Variants in SKAP1 observed in about 807,000 individuals in gnomAD.
SKAP1 encodes the protein src kinase associated phosphoprotein 1.
A neutral mutation model predicts 58.5 loss-of-function variants in SKAP1; 44 were observed. The ratio of observed to expected loss-of-function variants is 0.75; its 90% CI spans 0.59 to 0.97. SKAP1 has a LOEUF of 0.97. SKAP1 is among the 50% of genes least tolerant of loss of function. The pLI is 0.00. For missense variants in SKAP1, 390 were observed against 435.2 expected, an observed-to-expected ratio of 0.90 and a Z score of 0.92; for synonymous variants, 127 against 149.7, an observed-to-expected ratio of 0.85 and a Z score of 1.11.
chr17:48,396,278 G>T (rs577610060), intron 2 of SKAP1, among the ~76,000 whole-genome samples: 2 of 152,146 alleles, frequency 1.3e-5, no homozygotes, highest in African/African-American at 4.8e-5. Context: ...TTTCTATGAG[G>T]TAAGGAGATG....
At chr17:48,136,675 ATT>A (rs34752231) in intron 12 of SKAP1, 39,334 of 139,560 alleles carry the variant, frequency 0.28, 5,279 homozygotes, top group South Asian at 0.37. Flanking sequence ...TTCTGTGTTA[ATT>A]TTTTTTTTTT....
At chr17:48,356,139 A>G (rs2066873277) in intron 3 of SKAP1, among the ~76,000 whole-genome samples, 1 of 152,092 alleles carries the variant, frequency 6.6e-6, no homozygotes, top group South Asian at 2.1e-4. Flanking sequence ...CTGTAGTCCC[A>G]GCTACTGGGG....
At chr17:48,415,730 A>G (rs2067724928) in intron 1 of SKAP1, among the ~76,000 whole-genome samples, 1 of 152,040 alleles carries the variant, frequency 6.6e-6, no homozygotes, top group Non-Finnish European at 1.5e-5. Flanking sequence ...CTGTCCCCTT[A>G]GATGGTCTCT....
intron 4 of SKAP1, among the ~76,000 whole-genome samples, chr17:48,316,563 C>G (rs2066290726): frequency 6.6e-6 from 1 of 152,154 alleles, no homozygotes; most frequent in Non-Finnish European, 1.5e-5. Context: ...CATGGCTTGA[C>G]ATTATATAAC....
chr17:48,408,309 T>A (rs1200718187), intron 1 of SKAP1, among the ~76,000 whole-genome samples: 1 of 152,174 alleles, frequency 6.6e-6, no homozygotes, highest in Non-Finnish European at 1.5e-5. Context: ...AATAAGCTAA[T>A]AAGCAGGGGG....
At chr17:48,344,335 A>T in intron 4 of SKAP1, 3 of 297,082 alleles carry the variant, frequency 1.0e-5, no homozygotes, top group Non-Finnish European at 1.0e-5. Flanking sequence ...GAGAAACCAA[A>T]ACACTGTATT....
chr17:48,311,566 C>T (rs1402906684), intron 4 of SKAP1, among the ~76,000 whole-genome samples: 1 of 152,080 alleles, frequency 6.6e-6, no homozygotes, highest in African/African-American at 2.4e-5. Flanking sequence ...CCCCAAAGGT[C>T]ATTAATATCA....
chr17:48,362,792 C>CA (rs2066952510), intron 3 of SKAP1, among the ~76,000 whole-genome samples: 1 of 152,114 alleles, frequency 6.6e-6, no homozygotes, highest in African/African-American at 2.4e-5. Context: ...TATAATCACT[C>CA]ACAATTTTAA....
chr17:48,290,023 G>A (rs2065880790), intron 4 of SKAP1, among the ~76,000 whole-genome samples: 1 of 152,030 alleles, frequency 6.6e-6, no homozygotes, highest in African/African-American at 2.4e-5. Context: ...AATATTCTCA[G>A]AATTAGTATG....
chr17:48,355,988 C>T (rs569035996), intron 3 of SKAP1, among the ~76,000 whole-genome samples: 6 of 152,266 alleles, frequency 3.9e-5, no homozygotes, highest in African/African-American at 1.4e-4. Context: ...GGAGCAGTGG[C>T]TCATGCCTAT....
chr17:48,241,162 G>T (rs1445422245), intron 4 of SKAP1, among the ~76,000 whole-genome samples: 3 of 152,018 alleles, frequency 2.0e-5, no homozygotes, highest in Non-Finnish European at 2.9e-5. Context: ...GTGTGAAAAG[G>T]TTACTTAGTC....
At chr17:48,213,086 A>G (rs1482440105) in intron 4 of SKAP1, among the ~76,000 whole-genome samples, 1 of 152,210 alleles carries the variant, frequency 6.6e-6, no homozygotes, top group African/African-American at 2.4e-5. Flanking sequence ...TCATGCCTGT[A>G]ATCCCAGCAC....
At chr17:48,268,315 C>A (rs1275523098) in intron 4 of SKAP1, among the ~76,000 whole-genome samples, 1 of 150,518 alleles carries the variant, frequency 6.6e-6, no homozygotes, top group African/African-American at 2.4e-5. Flanking sequence ...GCTTACTAGT[C>A]AAAAGTCCTA....
chr17:48,300,246 T>C (rs1443820011), intron 4 of SKAP1, among the ~76,000 whole-genome samples: 1 of 152,044 alleles, frequency 6.6e-6, no homozygotes, highest in African/African-American at 2.4e-5. Flanking sequence ...AGGTTGACAG[T>C]AGAAGACAGG....
At chr17:48,322,135 G>T (rs16955463) in intron 4 of SKAP1, among the ~76,000 whole-genome samples, 30,142 of 152,076 alleles carry the variant, frequency 0.2, 3,783 homozygotes, top group South Asian at 0.37. Flanking sequence ...TAAAGTTTTT[G>T]TAGAATTTCC....
chr17:48,403,356 G>C (rs1293178885), intron 1 of SKAP1, among the ~76,000 whole-genome samples: 1 of 151,896 alleles, frequency 6.6e-6, no homozygotes, highest in Non-Finnish European at 1.5e-5. Context: ...GACAGTGCAA[G>C]ACTCTGTCTC....
chr17:48,215,574 C>T (rs1331743208), intron 4 of SKAP1, among the ~76,000 whole-genome samples: 1 of 152,074 alleles, frequency 6.6e-6, no homozygotes, highest in African/African-American at 2.4e-5. Flanking sequence ...GTCAGATCAG[C>T]CTGTTGTGAG....
intron 4 of SKAP1, among the ~76,000 whole-genome samples, chr17:48,211,949 C>T (rs967509536): frequency 1.3e-5 from 2 of 151,328 alleles, no homozygotes; most frequent in African/African-American, 2.4e-5. Context: ...AAAGTTGACA[C>T]ATTACTTACA....
At chr17:48,162,603 G>C (rs1224100586) in intron 10 of SKAP1, 34 bp from the exon 11 acceptor site, 3 of 1,550,196 alleles carry the variant, frequency 1.9e-6, no homozygotes, top group Non-Finnish European at 2.7e-6. Context: ...AAGTTAAAAG[G>C]ACTCTATTTT....
Sources: allele counts gnomAD v4.1 joint callset (sites outside exome capture counted in the v4.1 genomes callset), GRCh38; gene constraint gnomAD v4.1.1; transcripts MANE v1.5; gene names NCBI Gene and HGNC (gene_info 2026-07-23, HGNC 2026-07-21).